Variants in MDFIC observed in about 807,000 individuals in gnomAD.
MDFIC encodes MyoD family inhibitor domain containing.
Under a neutral mutation model 23.2 loss-of-function variants are expected in MDFIC, and 17 were observed. That is an observed-to-expected ratio of 0.73 (90% CI 0.50 to 1.10). MDFIC has a LOEUF of 1.10. Among genes scored for constraint, MDFIC ranks in the 50% least tolerant of loss-of-function variants. The probability of loss-of-function intolerance (pLI) is 0.00; values close to 1 mark genes in which losing one functional copy is unlikely to be tolerated. For synonymous variants in MDFIC, 120 were observed against 115.2 expected (o/e 1.04, Z -0.27); for missense variants, 356 against 316.6 (o/e 1.12, Z -0.95).
chr7:114,944,506 C>T (rs1196945364), intron 3 of MDFIC, among the ~76,000 whole-genome samples: 1 of 152,162 alleles, frequency 6.6e-6, no homozygotes, highest in Non-Finnish European at 1.5e-5. Flanking sequence ...AGAAGTGGAA[C>T]ATTTTATATC....
chr7:114,961,248 G>A (rs1011113376), intron 3 of MDFIC, among the ~76,000 whole-genome samples: 1 of 152,046 alleles, frequency 6.6e-6, no homozygotes, highest in Admixed American at 6.6e-5. Context: ...ATCAATGATG[G>A]CCATGAACCA....
At chr7:115,004,079 T>A (rs914795413) in intron 4 of MDFIC, among the ~76,000 whole-genome samples, 7 of 152,190 alleles carry the variant, frequency 4.6e-5, no homozygotes, top group Non-Finnish European at 1.0e-4. Context: ...GGAAACACTA[T>A]ATATACTGGT....
intron 4 of MDFIC, among the ~76,000 whole-genome samples, chr7:115,005,515 G>A (rs1167852626): frequency 2.0e-5 from 3 of 152,144 alleles, no homozygotes; most frequent in Non-Finnish European, 4.4e-5. Context: ...TAACTCAGTT[G>A]GGGAGTGGCT....
chr7:114,956,918 G>A (rs1310723132), intron 3 of MDFIC, among the ~76,000 whole-genome samples: 4 of 152,208 alleles, frequency 2.6e-5, no homozygotes, highest in Non-Finnish European at 5.9e-5. Flanking sequence ...TGGCCCACAG[G>A]AACTGATAGG....
At chr7:114,987,175 A>G (rs1793529677) in intron 4 of MDFIC, among the ~76,000 whole-genome samples, 1 of 152,220 alleles carries the variant, frequency 6.6e-6, no homozygotes, top group South Asian at 2.1e-4. Context: ...ACTATTCCGT[A>G]TGGGTTTCAA....
chr7:115,004,187 C>T (rs1791521819), intron 4 of MDFIC, among the ~76,000 whole-genome samples: 1 of 152,158 alleles, frequency 6.6e-6, no homozygotes, highest in Non-Finnish European at 1.5e-5. Context: ...AGATTTTGAA[C>T]CTCAGGTTCC....
In MDFIC at chr7:115,015,931, C is replaced by A; in HGVS notation, c.737C>A (p.Ser246Ter). ...CMECCGICFPS is the reference protein window; with the variant it reads ...CMECCGICFP ...GAATGCTGTGGAATTTGTTTTCCTT[C>A]ATAAATATTTATCTTTTGTTTGTGT... Residue 246 changes from serine to a stop codon, truncating the protein, a stop_gained, in exon 5 of 5, where the codon TCA (serine) becomes TAA (stop). Coordinates refer to ENST00000393486, the MANE Select transcript of MDFIC (RefSeq NM_001166345.3). LOFTEE classifies it high-confidence loss of function. The A allele has an allele frequency of 1.2e-6, 2 of 1,611,022 alleles. No homozygotes were observed. The highest frequency in any genetic ancestry group is 1.7e-6 in the Non-Finnish European group (2 of 1,178,172).
chr7:114,956,095 G>A (rs1792877578), intron 3 of MDFIC, among the ~76,000 whole-genome samples: 1 of 152,112 alleles, frequency 6.6e-6, no homozygotes, highest in African/African-American at 2.4e-5. Context: ...CCTCTAGAGA[G>A]TGTTAGAATC....
At chr7:115,002,146 A>C (rs1293202161) in intron 4 of MDFIC, among the ~76,000 whole-genome samples, 1 of 151,958 alleles carries the variant, frequency 6.6e-6, no homozygotes, top group African/African-American at 2.4e-5. Flanking sequence ...CAAAAAACAA[A>C]AAACAAACAA....
chr7:114,967,813 CT>C (rs959679890), intron 3 of MDFIC, among the ~76,000 whole-genome samples: 3 of 142,150 alleles, frequency 2.1e-5, no homozygotes, highest in Non-Finnish European at 3.0e-5. Flanking sequence ...TCTTTTATTT[CT>C]TTTTTTCTTT....
chr7:114,951,886 T>A (rs1413690513), intron 3 of MDFIC, among the ~76,000 whole-genome samples: 1 of 152,010 alleles, frequency 6.6e-6, no homozygotes, highest in African/African-American at 2.4e-5. Flanking sequence ...ATTCAGAAAA[T>A]GGAGGGCAGT....
intron 3 of MDFIC, among the ~76,000 whole-genome samples, chr7:114,970,655 C>T (rs1007866336): frequency 6.6e-6 from 1 of 152,162 alleles, no homozygotes; most frequent in African/African-American, 2.4e-5. Flanking sequence ...GACTTAAAGG[C>T]AGTGAGTGGG....
chr7:114,982,338 G>T (rs369402997), intron 4 of MDFIC, among the ~76,000 whole-genome samples: 4 of 152,238 alleles, frequency 2.6e-5, no homozygotes, highest in Admixed American at 1.3e-4. Context: ...AAAGCAATAA[G>T]AATGGGGAGA....
chr7:114,940,884 C>T (rs1455301735), intron 2 of MDFIC, among the ~76,000 whole-genome samples: 1 of 152,166 alleles, frequency 6.6e-6, no homozygotes, highest in East Asian at 1.9e-4. Flanking sequence ...ATAATCTTTA[C>T]AAACCTCTAG....
intron 4 of MDFIC, among the ~76,000 whole-genome samples, chr7:114,985,161 T>C (rs2115991866): frequency 6.6e-6 from 1 of 152,306 alleles, no homozygotes; most frequent in Middle Eastern, 3.4e-3. Context: ...TAGCCTCTTT[T>C]TGCATCAGCG....
At chr7:114,996,428 A>G (rs1319592388) in intron 4 of MDFIC, among the ~76,000 whole-genome samples, 1 of 152,206 alleles carries the variant, frequency 6.6e-6, no homozygotes, top group Non-Finnish European at 1.5e-5. Context: ...CCATTAACTG[A>G]GATGAGAAGA....
chr7:114,949,731 T>C (rs1225029556), intron 3 of MDFIC, among the ~76,000 whole-genome samples: 1 of 152,182 alleles, frequency 6.6e-6, no homozygotes. Context: ...ATGTGTATTA[T>C]GAGTGCTCCA....
chr7:114,923,237 C>G (rs566955480), intron 2 of MDFIC, 110 bp downstream of exon 2: 99 of 1,391,570 alleles, frequency 7.1e-5, no homozygotes, highest in Non-Finnish European at 9.4e-5. Context: ...GGGGCTCCCA[C>G]TCGTAGTTGA....
chr7:114,945,930 T>C (rs755058940), intron 3 of MDFIC, among the ~76,000 whole-genome samples: 1 of 152,192 alleles, frequency 6.6e-6, no homozygotes. Flanking sequence ...AATTTTGGAA[T>C]TTATAAGAGC....
Sources: allele counts gnomAD v4.1 joint callset (sites outside exome capture counted in the v4.1 genomes callset), GRCh38; gene constraint gnomAD v4.1.1; transcripts MANE v1.5; gene names NCBI Gene and HGNC (gene_info 2026-07-23, HGNC 2026-07-21).